Variants in GGT1 observed in about 807,000 individuals in gnomAD.
The protein encoded by GGT1 is gamma-glutamyltransferase 1.
In GGT1, 21 loss-of-function variants were observed where a neutral mutation model predicts 56.0. That is an observed-to-expected ratio of 0.38 (90% CI 0.27 to 0.54). GGT1 has a LOEUF of 0.54. Among genes scored for constraint, GGT1 ranks in the 20% least tolerant of loss-of-function variants. The probability of loss-of-function intolerance (pLI) is 0.82; values close to 1 mark genes in which losing one functional copy is unlikely to be tolerated. For synonymous variants in GGT1, 238 were observed against 342.6 expected (o/e 0.69, Z 3.37); for missense variants, 466 against 787.0 (o/e 0.59, Z 4.88).
At chr22:24,617,383 AGTATGTGAG>A (rs1249919070) in intron 7 of GGT1, among the ~76,000 whole-genome samples, 4 of 151,892 alleles carry the variant, frequency 2.6e-5, no homozygotes, top group African/African-American at 9.7e-5. Flanking sequence ...GGGCTCGTGG[AGTATGTGAG>A]TGGAAGGGGA....
At chr22:24,598,445 C>CAAAAAA (rs1186508492), upstream of GGT1, among the ~76,000 whole-genome samples, 7 of 75,962 alleles carry the variant, frequency 9.2e-5, no homozygotes, top group Middle Eastern at 7.1e-3. Context: ...GACTCCGTCT[C>CAAAAAA]AAAAAAAAAA....
At chr22:24,618,664 T>C (rs2047218328) in intron 7 of GGT1, among the ~76,000 whole-genome samples, 1 of 152,188 alleles carries the variant, frequency 6.6e-6, no homozygotes, top group Admixed American at 6.5e-5. Flanking sequence ...GAAGGAATCA[T>C]GTGCTGGGTG....
At position 24,628,619 on chromosome 22, in the gene GGT1, C is replaced by A; in HGVS notation, c.1564-74C>A. 1 of 1,610,684 alleles carries A rather than the reference C, an allele frequency of 6.2e-7. No homozygotes were observed. The highest frequency in any genetic ancestry group is 8.5e-7 in the Non-Finnish European group (1 of 1,179,672). On this transcript the variant is annotated intron_variant, in intron 15 of 15. Transcript: ENST00000400382. The surrounding 1 kb of genome is among the most constrained non-coding windows in gnomAD (Gnocchi z 5.7). Reference sequence around the variant, plus strand: ...CGAAATGGCACCACCTGGGCTGAGGCCTGTGACCACACAGATGTGGTTCAG... The same window carrying A: ...CGAAATGGCACCACCTGGGCTGAGGACTGTGACCACACAGATGTGGTTCAG...
chr22:24,600,375 G>A (rs1217111883), upstream of GGT1, among the ~76,000 whole-genome samples: 2 of 152,244 alleles, frequency 1.3e-5, no homozygotes, highest in Admixed American at 6.5e-5. Context: ...CTGGGGTTGA[G>A]TTTAAACCCA....
intron 5 of GGT1, among the ~76,000 whole-genome samples, chr22:24,611,514 C>CCTATCTATCTATCTATCTAT: frequency 7.3e-6 from 1 of 136,778 alleles, no homozygotes; most frequent in African/African-American, 3.3e-5. Flanking sequence ...CTTATTTCTT[C>CCTATCTATCTATCTATCTAT]CTATCTATCT....
upstream of GGT1, chr22:24,599,342 C>T (rs1601612417): frequency 6.7e-6 from 1 of 149,702 alleles, no homozygotes; most frequent in Non-Finnish European, 1.5e-5. Flanking sequence ...GAAAGGATAG[C>T]TCATATCCAG....
upstream of GGT1, among the ~76,000 whole-genome samples, chr22:24,602,104 T>C (rs2045791970): frequency 6.6e-6 from 1 of 152,086 alleles, no homozygotes; most frequent in South Asian, 2.1e-4. Context: ...TTTTCCAGCT[T>C]TGACACCTCG....
upstream of GGT1, among the ~76,000 whole-genome samples, chr22:24,602,739 G>A (rs954349238): frequency 6.6e-6 from 1 of 152,134 alleles, no homozygotes; most frequent in South Asian, 2.1e-4. Context: ...CCCACCTGTA[G>A]TCCTGCAAGC....
the GGT1 span, chr22:24,589,642 G>T: frequency 1.4e-6 from 1 of 719,352 alleles, no homozygotes; most frequent in Non-Finnish European, 2.2e-6. Flanking sequence ...ACTTGCTCTA[G>T]CTGGTGGCCA....
In GGT1 at chr22:24,628,275, G is replaced by A. The variant is rs755355073; in HGVS notation, c.1450G>A (p.Ala484Thr). 2 of 1,611,964 alleles carry A rather than the reference G, an allele frequency of 1.2e-6. No homozygotes were observed. Among genetic ancestry groups the A allele is most frequent in the Non-Finnish European group, 1.7e-6 (2 of 1,179,842 alleles). The change falls in exon 15 of 16, where the codon GCC becomes ACC. Residue 484 changes from alanine to threonine, a missense_variant and splice_region_variant. By Grantham distance (58) the Ala-to-Thr change is moderately conservative. Around this residue, in one of 2 missense-constraint regions of GGT1, gnomAD observed 456 missense variants for 716.7 expected, o/e 0.64. Coordinates refer to ENST00000400382, the MANE Select transcript of GGT1 (RefSeq NM_001288833.2). The surrounding 1 kb of genome is among the most constrained non-coding windows in gnomAD (Gnocchi z 5.7). ...TGCTGATCACACTCCCATGCCCCAG[G>A]CCATCATCTACAACCTCTGGTTCGG... The part of the protein sequence containing the change: ...GTQITTATAL[A>T]IIYNLWFGYD...
chr22:24,586,564 T>C, the GGT1 span, among the ~76,000 whole-genome samples: 4 of 152,248 alleles, frequency 2.6e-5, no homozygotes, highest in Admixed American at 1.3e-4. Flanking sequence ...AAAGTTTCGC[T>C]CTTTTTGTCC....
chr22:24,598,920 G>A (rs1415536091), upstream of GGT1, among the ~76,000 whole-genome samples: 3 of 151,646 alleles, frequency 2.0e-5, no homozygotes. Context: ...GTCCTCTTGG[G>A]CCTTTTTTAA....
At chr22:24,594,769 C>A (rs1189730388), upstream of GGT1, 1 of 152,378 alleles carries the variant, frequency 6.6e-6, no homozygotes, top group Admixed American at 6.5e-5. Flanking sequence ...CGTGCCCTCC[C>A]CCAGGGCCAA....
At chr22:24,615,544 G>C (rs936907801) in intron 7 of GGT1, among the ~76,000 whole-genome samples, 3 of 152,168 alleles carry the variant, frequency 2.0e-5, no homozygotes, top group Admixed American at 1.3e-4. Flanking sequence ...GACAGGTCAC[G>C]CAAATCAGTT....
intron 7 of GGT1, among the ~76,000 whole-genome samples, chr22:24,619,660 C>T (rs1170398533): frequency 6.6e-6 from 1 of 152,142 alleles, no homozygotes; most frequent in Non-Finnish European, 1.5e-5. Context: ...TCAGTCTTGC[C>T]TCTCTGGGGC....
rs1320097453 is a variant in GGT1, at chr22:24,605,035, TA to T, written c.-429+1512del. Among the ~76,000 whole-genome samples the T allele has an allele frequency of 2.0e-4, 17 of 85,436 alleles. 2 individuals carry two copies. The highest frequency in any genetic ancestry group is 2.4e-4 in the Non-Finnish European group (12 of 49,158). The allele number at this position is 85,436 out of a possible 152,430, so 56.0% of individuals were successfully genotyped here. ...GAATCCTGTATGTCATATATATATA[TA>T]AAATATGTAATATATTATATATTAT... is the stretch of plus-strand genomic sequence containing the variant. On this transcript the variant is annotated intron_variant, in intron 1 of 15. Coordinates refer to ENST00000400382, the MANE Select transcript of GGT1 (RefSeq NM_001288833.2).
chr22:24,624,456 C>A, intron 11 of GGT1: 1 of 981,076 alleles, frequency 1.0e-6, no homozygotes, highest in Non-Finnish European at 1.2e-6. Flanking sequence ...CCTTGGCATT[C>A]CTGGGCGGAT....
upstream of GGT1, chr22:24,592,821 T>C: frequency 1.6e-6 from 2 of 1,251,476 alleles, no homozygotes; most frequent in South Asian, 2.3e-5. Flanking sequence ...CCCCAGACCC[T>C]CCCTGGCCGC....
the GGT1 span, chr22:24,586,087 G>A: frequency 8.7e-6 from 14 of 1,612,522 alleles, no homozygotes; most frequent in Admixed American, 5.0e-5. Context: ...CCACATCCAC[G>A]TTGTTGCCCA....
Sources: gnomAD v4.1 joint callset for allele counts (sites outside exome capture counted in the v4.1 genomes callset) on GRCh38, gnomAD v4.1.1 for gene constraint, gnomAD v4.1.1 regional missense constraint, Gnocchi (gnomAD v3.1) non-coding constraint, MANE v1.5 for transcripts, NCBI Gene and HGNC (gene_info 2026-07-23, HGNC 2026-07-21) for gene names.